RCC1: variants seen among roughly 807,000 people sequenced by gnomAD.
The protein encoded by RCC1 is regulator of chromosome condensation 1.
RCC1 carries 11 observed loss-of-function variants against 44.4 expected under a neutral mutation model. The ratio of observed to expected loss-of-function variants is 0.25; its 90% CI spans 0.16 to 0.41. RCC1 has a LOEUF of 0.41. RCC1 is among the 10% of genes least tolerant of loss of function. The pLI, the probability that RCC1 is intolerant of heterozygous loss-of-function variation, is 1.00. For synonymous variants in RCC1, 213 were observed against 216.5 expected (o/e 0.98, Z 0.14); for missense variants, 386 against 547.1 (o/e 0.71, Z 2.94).
chr1:28,510,705 TC>T (rs1463341904), intron 3 of RCC1: 2 of 152,170 alleles, frequency 1.3e-5, no homozygotes, highest in African/African-American at 4.8e-5. Flanking sequence ...CAATGGGGAA[TC>T]CCAGGAACCA....
chr1:28,506,732 G>T (rs149485680), intron 1 of RCC1: 7 of 154,880 alleles, frequency 4.5e-5, no homozygotes, highest in Non-Finnish European at 1.0e-4. Context: ...ATCCTCATTT[G>T]CCTTTAAGAA....
At position 28,529,881 on chromosome 1, in the gene RCC1, C is replaced by T. The variant is rs1476092105; in HGVS notation, c.15C>T (p.Arg5=). 1.2e-6 allele frequency: 2 copies of T among 1,613,980 alleles called. No individual in the cohort carries two copies. Among genetic ancestry groups the T allele is most frequent in the South Asian group, 2.2e-5 (2 of 91,084 alleles). The change falls in exon 5 of 13, where the codon CGC becomes CGT. Residue 5 remains arginine, a synonymous_variant. Transcript: ENST00000683442. ...AGGACAGGAAGATGTCACCCAAGCG[C>T]ATAGCTAAAAGAAGGTCCCCCCCAG... is the stretch of plus-strand genomic sequence containing the variant. MSPK[R]IAKRRSPPAD...
chr1:28,511,222 C>T (rs1366899863), intron 3 of RCC1, among the ~76,000 whole-genome samples: 1 of 152,082 alleles, frequency 6.6e-6, no homozygotes, highest in Non-Finnish European at 1.5e-5. Flanking sequence ...GCCTCAATTT[C>T]ATGTTCACAA....
At chr1:28,537,007 A>C (rs1570228998) in intron 12 of RCC1, 108 bp downstream of exon 12, 1 of 1,266,982 alleles carries the variant, frequency 7.9e-7, no homozygotes, top group East Asian at 2.3e-5. Context: ...CGAGGTACAG[A>C]GAGCAGTGTT....
In RCC1 at chr1:28,514,558, A is replaced by G. The variant is rs1290107130; in HGVS notation, c.-152-2167A>G. On this transcript the variant is annotated intron_variant, in intron 3 of 12. Coordinates refer to ENST00000683442, the MANE Select transcript of RCC1 (RefSeq NM_001381865.2). The stretch of plus-strand genomic sequence containing the variant: ...TGGCGGATCACCTGAGGTCGGGAGT[A>G]CAAGACCAGCCTGACCAACATGGAG... Among the ~76,000 whole-genome samples, 3 of 151,684 alleles carry G rather than the reference A, an allele frequency of 2.0e-5. No homozygotes were observed. In the East Asian group the frequency reaches 5.8e-4, roughly 29 times the overall value.
chr1:28,507,866 A>C, intron 1 of RCC1: 1 of 305,474 alleles, frequency 3.3e-6, no homozygotes, highest in Admixed American at 4.7e-5. Flanking sequence ...CTGGCCTCCC[A>C]AAATGTTGGG....
chr1:28,537,535 A>G lies in RCC1; in HGVS notation c.1091-297A>G, dbSNP rs145061858. ...ATGCCATTCCAGGCAGAGGAACATC[A>G]GGGCAGTCTCAAAGGTGGCTGGTCC... On this transcript the variant is annotated intron_variant, in intron 12 of 12. Transcript: ENST00000683442. Among the ~76,000 whole-genome samples the G allele has an allele frequency of 2.0e-5, 3 of 152,344 alleles. No individual in the cohort carries two copies. The East Asian group carries it at 5.8e-4, about 29-fold the overall frequency.
intron 2 of RCC1, 68 bp from the exon 3 acceptor site, chr1:28,508,762 T>C (rs748305438): frequency 2.1e-5 from 11 of 518,944 alleles, no homozygotes; most frequent in Admixed American, 9.7e-5. Context: ...AGGAAACATA[T>C]CTAGTATACT....
chr1:28,511,804 G>A (rs1662560975), intron 3 of RCC1, among the ~76,000 whole-genome samples: 1 of 151,900 alleles, frequency 6.6e-6, no homozygotes. Flanking sequence ...GGGATTACAG[G>A]CGCACGCCAC....
rs1236039241 is a variant in RCC1, at chr1:28,508,146, A to G, written c.-243A>G. Reference sequence around the variant, plus strand: ...TTTGCAGGATTTGTTAAGGATTCCAAGTAACTCTTATTTGGTGAGTAAATC... The same window carrying G: ...TTTGCAGGATTTGTTAAGGATTCCAGGTAACTCTTATTTGGTGAGTAAATC... On this transcript the variant is annotated 5_prime_UTR_variant, in exon 2 of 13. Transcript: ENST00000683442. 1 of 446,094 alleles carries G rather than the reference A, an allele frequency of 2.2e-6. No individual in the cohort carries two copies. Among genetic ancestry groups the G allele is most frequent in the African/African-American group, 2.0e-5 (1 of 50,042 alleles). The allele number at this position is 446,094 out of a possible 1,614,324, so 27.6% of individuals were successfully genotyped here.
intron 5 of RCC1, chr1:28,530,669 T>G: frequency 7.0e-7 from 1 of 1,438,408 alleles, no homozygotes. Flanking sequence ...TCCTCAGCGG[T>G]GGCCACATCC....
At chr1:28,510,032 G>T (rs996987390) in intron 3 of RCC1, 2 of 152,198 alleles carry the variant, frequency 1.3e-5, no homozygotes, top group African/African-American at 2.4e-5. Context: ...ACTTTGTCAA[G>T]CCCCCTGCAC....
At chr1:28,519,162 T>C (rs759235904) in intron 4 of RCC1, among the ~76,000 whole-genome samples, 6 of 151,778 alleles carry the variant, frequency 4.0e-5, no homozygotes, top group Non-Finnish European at 7.4e-5. Context: ...AGTCTGAGGG[T>C]AGTGGGATTA....
intron 4 of RCC1, among the ~76,000 whole-genome samples, chr1:28,524,238 G>A (rs1486443977): frequency 6.6e-6 from 1 of 152,188 alleles, no homozygotes; most frequent in Non-Finnish European, 1.5e-5. Flanking sequence ...GGAGCTTCAC[G>A]TCTCTTCTCT....
chr1:28,532,715 G>C (rs1244297503), intron 7 of RCC1: 1 of 478,648 alleles, frequency 2.1e-6, no homozygotes, highest in Non-Finnish European at 4.1e-6. Context: ...GATGGGGCAA[G>C]GAGGTGTGGA....
intron 4 of RCC1, among the ~76,000 whole-genome samples, chr1:28,523,694 A>G (rs1663449576): frequency 6.6e-6 from 1 of 152,116 alleles, no homozygotes. Flanking sequence ...CTGACTTCTT[A>G]TTGTGAGTAC....
At position 28,536,796 on chromosome 1, in the gene RCC1, A is replaced by G. The variant is rs1159844723; in HGVS notation, c.987A>G (p.Gly329=). The G allele has an allele frequency of 6.2e-7, 1 of 1,613,880 alleles. No homozygotes were observed. The highest frequency in any genetic ancestry group is 2.2e-5 in the East Asian group (1 of 44,884). ...GRAEYGRLGL[G]EGAEEKSIPT... ...CTGAGTATGGGCGGCTGGGCCTTGG[A>G]GAGGGTGCTGAGGAGAAGAGCATAC... Residue 329 remains glycine (G), a synonymous_variant, in exon 12 of 13, where the codon GGA becomes GGG. Coordinates refer to ENST00000683442, the MANE Select transcript of RCC1 (RefSeq NM_001381865.2). The surrounding 1 kb of genome is among the most constrained non-coding windows in gnomAD (Gnocchi z 4.9).
intron 4 of RCC1, chr1:28,527,047 A>G (rs1483945678): frequency 4.9e-6 from 4 of 821,426 alleles, no homozygotes; most frequent in East Asian, 2.4e-5. Flanking sequence ...CATCAGGTGC[A>G]TGGTATGAGG....
rs777767024 is a variant in RCC1, at chr1:28,532,369, G to C, written c.441+19G>C. On this transcript the variant is annotated intron_variant, in intron 7 of 12. Coordinates refer to ENST00000683442, the MANE Select transcript of RCC1 (RefSeq NM_001381865.2). ...CTTCCGGGTAAGGCTGGGTCTGAAA[G>C]TCTGCATGGTCCCTGAAAGACAGAA... 6.2e-7 allele frequency: 1 copy of C among 1,613,006 alleles called. No homozygotes were observed. The highest frequency in any genetic ancestry group is 8.5e-7 in the Non-Finnish European group (1 of 1,179,426).
Sources: gnomAD v4.1 joint callset for allele counts (sites outside exome capture counted in the v4.1 genomes callset) on GRCh38, gnomAD v4.1.1 for gene constraint, Gnocchi (gnomAD v3.1) non-coding constraint, MANE v1.5 for transcripts, NCBI Gene and HGNC (gene_info 2026-07-23, HGNC 2026-07-21) for gene names.